The following SEC63 variants were observed in gnomAD, a reference collection of about 807,000 sequenced individuals.
SEC63 encodes the protein SEC63 protein translocation regulator.
SEC63 carries 56 observed loss-of-function variants against 116.2 expected under a neutral mutation model. The ratio of observed to expected loss-of-function variants is 0.48; its 90% CI spans 0.39 to 0.60. The LOEUF (loss-of-function observed/expected upper bound fraction) is 0.60, where lower values mean the gene tolerates loss of function less well. Among genes scored for constraint, SEC63 ranks in the 20% least tolerant of loss-of-function variants. The pLI is 0.00. For synonymous variants in SEC63, 273 were observed against 294.6 expected (o/e 0.93, Z 0.75); for missense variants, 668 against 900.0 (o/e 0.74, Z 3.30).
rs371388005 is a variant in SEC63 at position 107,911,311 on chromosome 6, C to CA, written c.624+34dup. 939 of 1,452,498 alleles carry CA rather than the reference C, an allele frequency of 6.5e-4. 3 individuals are homozygous for CA. Among genetic ancestry groups the CA allele is most frequent in the Middle Eastern group, 3.0e-3 (17 of 5,696 alleles). 90.0% of individuals were successfully genotyped at this position (1,452,498 alleles called of 1,614,324 possible). A position where few individuals can be genotyped will look rare whatever the true frequency, so the allele number is the denominator to read the frequency against. On this transcript the variant is annotated intron_variant, in intron 7 of 20. Transcript: ENST00000369002. ...CTCCAAAACATGTCAATCTCCTTTC[C>CA]AAAAAAAACATTAACTTAAAAAGCT...
chr6:107,884,185 G>A (rs1021550116), intron 16 of SEC63, among the ~76,000 whole-genome samples: 1 of 150,880 alleles, frequency 6.6e-6, no homozygotes, highest in African/African-American at 2.4e-5. Flanking sequence ...CAGGAGAATC[G>A]CTTGAACTTG....
intron 14 of SEC63, among the ~76,000 whole-genome samples, chr6:107,895,870 A>AG (rs1362461743): frequency 7.3e-6 from 1 of 136,818 alleles, no homozygotes; most frequent in Non-Finnish European, 1.5e-5. Flanking sequence ...TAAAAAAAAA[A>AG]AAAAAAAAAT....
At position 107,958,129 on chromosome 6, in the gene SEC63, T is replaced by C; in HGVS notation, c.-120A>G. 3.4e-6 allele frequency: 5 copies of C among 1,450,834 alleles called. No homozygotes were observed. The highest frequency in any genetic ancestry group is 2.8e-6 in the Non-Finnish European group (3 of 1,060,512). The allele number at this position is 1,450,834 out of a possible 1,614,324, so 89.9% of individuals were successfully genotyped here. On this transcript the variant is annotated 5_prime_UTR_variant, in exon 1 of 21. Coordinates refer to ENST00000369002, the MANE Select transcript of SEC63 (RefSeq NM_007214.5). ...TGGACACTGCCGCCGCCGCCTCTCC[T>C]CCCCGCCCCCACGCCACTCTCACGG...
At chr6:107,921,624 T>C (rs1224546997) in intron 4 of SEC63, among the ~76,000 whole-genome samples, 173 bp downstream of exon 4, 1 of 151,984 alleles carries the variant, frequency 6.6e-6, no homozygotes, top group Admixed American at 6.6e-5. Flanking sequence ...GTTAATTCTT[T>C]TATTTTTTGT....
chr6:107,917,828 T>C (rs1044311130), intron 4 of SEC63, among the ~76,000 whole-genome samples: 3 of 152,146 alleles, frequency 2.0e-5, no homozygotes, highest in Non-Finnish European at 4.4e-5. Context: ...AAAGAAACCA[T>C]CTCTACAACA....
chr6:107,918,092 T>C (rs144938168), intron 4 of SEC63, among the ~76,000 whole-genome samples: 1 of 152,204 alleles, frequency 6.6e-6, no homozygotes, highest in African/African-American at 2.4e-5. Flanking sequence ...TTGAAGCCAA[T>C]GCTGGTGTGC....
At chr6:107,874,595 CAAAAAAAAAA>C (rs35096526) in intron 19 of SEC63, among the ~76,000 whole-genome samples, 1 of 64,602 alleles carries the variant, frequency 1.5e-5, no homozygotes, top group Non-Finnish European at 3.1e-5. Context: ...GACTCTGTCT[CAAAAAAAAAA>C]AAAAAAAAAA....
chr6:107,934,881 G>A lies in SEC63; in HGVS notation c.125-5367C>T, dbSNP rs1417134797. Among the ~76,000 whole-genome samples, 5 of 15,010 alleles carry A rather than the reference G, an allele frequency of 3.3e-4. 2 individuals are homozygous for A. The highest frequency in any genetic ancestry group is 5.9e-4 in the Non-Finnish European group (5 of 8,522). 9.8% of individuals were successfully genotyped at this position (15,010 alleles called of 152,430 possible). ...AGCCCCCCGCCCAGCCAGCTGCCCC[G>A]TCCGGGAGGGAGGTGGGGGTCAGCC... is the stretch of plus-strand genomic sequence containing the variant. On this transcript the variant is annotated intron_variant, in intron 1 of 20. Coordinates refer to ENST00000369002, the MANE Select transcript of SEC63 (RefSeq NM_007214.5).
At chr6:107,950,425 A>G (rs1351231894) in intron 1 of SEC63, among the ~76,000 whole-genome samples, 1 of 152,206 alleles carries the variant, frequency 6.6e-6, no homozygotes, top group Admixed American at 6.5e-5. Context: ...AACTAGATCT[A>G]ACAGACATAT....
At chr6:107,913,836 T>A (rs1787340115) in intron 4 of SEC63, among the ~76,000 whole-genome samples, 2 of 152,354 alleles carry the variant, frequency 1.3e-5, no homozygotes, top group South Asian at 4.1e-4. Context: ...ACATTAGTAA[T>A]GATAAATACA....
intron 14 of SEC63, among the ~76,000 whole-genome samples, chr6:107,894,970 T>C (rs1786779552): frequency 6.6e-6 from 1 of 152,152 alleles, no homozygotes; most frequent in Non-Finnish European, 1.5e-5. Context: ...ACAAACACTG[T>C]ATGACTTATA....
At chr6:107,928,238 T>G (rs1299698991) in intron 2 of SEC63, among the ~76,000 whole-genome samples, 2 of 152,134 alleles carry the variant, frequency 1.3e-5, no homozygotes, top group Admixed American at 1.3e-4. Context: ...ATCCTACCAC[T>G]TTTGGAGGCC....
At chr6:107,904,227 T>C (rs1305384906) in intron 11 of SEC63, among the ~76,000 whole-genome samples, 4 of 150,398 alleles carry the variant, frequency 2.7e-5, no homozygotes, top group South Asian at 2.1e-4. Flanking sequence ...CTGGCCAACA[T>C]GGTAAAACCC....
chr6:107,903,051 G>A (rs1466457356), intron 11 of SEC63, 53 bp from the exon 12 acceptor site: 3 of 1,586,002 alleles, frequency 1.9e-6, no homozygotes, highest in Non-Finnish European at 2.6e-6. Flanking sequence ...ACATGTTCAG[G>A]AGTATACAAT....
Position 107,897,580 on chromosome 6 carries a change from T to C in SEC63, c.1440+69A>G, listed in dbSNP as rs1420310507. The C allele has an allele frequency of 6.4e-6, 7 of 1,090,326 alleles. No individual in the cohort carries two copies. In the African/African-American group the frequency reaches 7.7e-5, roughly 12 times the overall value. The allele number at this position is 1,090,326 out of a possible 1,614,324, so 67.5% of individuals were successfully genotyped here. On this transcript the variant is annotated intron_variant, in intron 14 of 20. Coordinates refer to ENST00000369002, the MANE Select transcript of SEC63 (RefSeq NM_007214.5). ...ATTACAACAGTTTTGACTTTGACAA[T>C]GAGGGAAATAAATATAAAAGCCTTG...
intron 1 of SEC63, among the ~76,000 whole-genome samples, chr6:107,933,955 G>A (rs1301092787): frequency 5.9e-5 from 9 of 152,218 alleles, no homozygotes; most frequent in South Asian, 2.1e-4. Context: ...GCTCCTAACC[G>A]CGAGTGATCC....
chr6:107,897,607 C>T (rs369866806), intron 14 of SEC63, 42 bp downstream of exon 14: 2 of 1,285,068 alleles, frequency 1.6e-6, no homozygotes, highest in African/African-American at 2.9e-5. Flanking sequence ...AAAGCCTTGA[C>T]ACACAACTCT....
chr6:107,874,915 C>T (rs549241805), intron 19 of SEC63, among the ~76,000 whole-genome samples: 2 of 152,250 alleles, frequency 1.3e-5, no homozygotes, highest in African/African-American at 2.4e-5. Flanking sequence ...TTAGTGGAAT[C>T]GTTGAGGAAA....
rs1207300771 is a variant in SEC63 at position 107,869,804 on chromosome 6, G to A, written c.*1900C>T. The A allele has an allele frequency of 7.0e-6, 1 of 142,844 alleles. No homozygotes were observed. The highest frequency in any genetic ancestry group is 1.5e-5 in the Non-Finnish European group (1 of 66,354). The allele number at this position is 142,844 out of a possible 1,614,324, so 8.8% of individuals were successfully genotyped here. A position where few individuals can be genotyped will look rare whatever the true frequency, so the allele number is the denominator to read the frequency against. ...TTTTTTTTTTTTTTTTAAGCACTGT[G>A]GTGTTACTAGGTTATCATCCTCTCC... On this transcript the variant is annotated 3_prime_UTR_variant, in exon 21 of 21. Coordinates refer to ENST00000369002, the MANE Select transcript of SEC63 (RefSeq NM_007214.5).
Sources: allele counts gnomAD v4.1 joint callset (sites outside exome capture counted in the v4.1 genomes callset), GRCh38; gene constraint gnomAD v4.1.1; transcripts MANE v1.5; gene names NCBI Gene and HGNC (gene_info 2026-07-23, HGNC 2026-07-21).